Variants in FSTL5 observed in about 807,000 individuals in gnomAD.
The protein encoded by FSTL5 is follistatin-related protein 5.
FSTL5 carries 62 observed loss-of-function variants against 89.1 expected under a neutral mutation model. The observed-to-expected ratio is 0.70, with a 90% confidence interval of 0.57 to 0.86. The LOEUF (loss-of-function observed/expected upper bound fraction) is 0.86, where lower values mean the gene tolerates loss of function less well. Ranked by LOEUF, FSTL5 falls within the 40% of genes least tolerant of loss-of-function variation. FSTL5 has a pLI of 0.00. For synonymous variants in FSTL5, 383 were observed against 346.2 expected, an observed-to-expected ratio of 1.11 and a Z score of -1.18; for missense variants, 1,057 against 1,001.6, an observed-to-expected ratio of 1.06 and a Z score of -0.75.
intron 3 of FSTL5, among the ~76,000 whole-genome samples, chr4:162,010,832 T>TA (rs1736745732): frequency 6.6e-6 from 1 of 152,232 alleles, no homozygotes; most frequent in South Asian, 2.1e-4. Flanking sequence ...TATGCTTAAC[T>TA]ATTCACCAGT....
At chr4:161,654,219 C>A (rs575553697) in intron 7 of FSTL5, among the ~76,000 whole-genome samples, 66 of 152,086 alleles carry the variant, frequency 4.3e-4, no homozygotes, top group Admixed American at 8.5e-4. Flanking sequence ...GCAAGTTGTC[C>A]AGAGAGTATC....
At chr4:162,008,185 TG>T (rs1434163374) in intron 3 of FSTL5, among the ~76,000 whole-genome samples, 1 of 151,870 alleles carries the variant, frequency 6.6e-6, no homozygotes, top group East Asian at 1.9e-4. Context: ...ATTAATGTAA[TG>T]ACCATTAATG....
In FSTL5 at chr4:161,623,343, T is replaced by C. The variant is rs180824914; in HGVS notation, c.894+32985A>G. Among the ~76,000 whole-genome samples the C allele has an allele frequency of 5.3e-5, 8 of 152,176 alleles. No individual in the cohort carries two copies. In the East Asian group the frequency reaches 1.5e-3, roughly 29 times the overall value. On this transcript the variant is annotated intron_variant, in intron 7 of 15. Transcript: ENST00000306100. The stretch of plus-strand genomic sequence containing the variant: ...AAACAACCATATTAGTATTGGCAGA[T>C]GTTATCACTATTTAAAGACACATGT...
chr4:161,609,216 T>C (rs1028150918), intron 7 of FSTL5, among the ~76,000 whole-genome samples: 1 of 152,130 alleles, frequency 6.6e-6, no homozygotes, highest in African/African-American at 2.4e-5. Flanking sequence ...ACATTAATTA[T>C]AATGTCTTCT....
At chr4:161,542,765 T>A (rs2126545361) in intron 8 of FSTL5, 72 bp from the exon 9 acceptor site, 1 of 904,366 alleles carries the variant, frequency 1.1e-6, no homozygotes, top group East Asian at 3.2e-5. Flanking sequence ...AAAGAAAAAT[T>A]GCAATAAGAT....
At chr4:161,983,544 T>G (rs1735883450) in intron 3 of FSTL5, among the ~76,000 whole-genome samples, 1 of 152,154 alleles carries the variant, frequency 6.6e-6, no homozygotes, top group Non-Finnish European at 1.5e-5. Context: ...TTTTTAAAGC[T>G]TATGTCTGTG....
At chr4:161,813,318 C>A (rs1326062095) in intron 4 of FSTL5, among the ~76,000 whole-genome samples, 1 of 152,040 alleles carries the variant, frequency 6.6e-6, no homozygotes, top group Non-Finnish European at 1.5e-5. Context: ...TGTGAGCCAC[C>A]GCGCCTGGCT....
chr4:161,701,902 T>A (rs1221161509), intron 6 of FSTL5, among the ~76,000 whole-genome samples: 2 of 152,150 alleles, frequency 1.3e-5, no homozygotes, highest in African/African-American at 2.4e-5. Context: ...TTATTAGATT[T>A]ATATTGTTCC....
At position 161,481,077 on chromosome 4, in the gene FSTL5, T is replaced by C; in HGVS notation, c.1551A>G (p.Ala517=). The C allele has an allele frequency of 1.2e-6, 2 of 1,613,274 alleles. No individual in the cohort carries two copies. Among genetic ancestry groups the C allele is most frequent in the East Asian group, 2.2e-5 (1 of 44,806 alleles). ...VNVKDKFIYV[A]QPTLDRVLIV... ...TAAGGACTCTGTCCAAAGTTGGCTG[T>C]GCAACATAAATGAACTTGTCTTTGA... Residue 517 remains alanine, a synonymous_variant, in exon 13 of 16, where the codon GCA becomes GCG. Coordinates refer to ENST00000306100, the MANE Select transcript of FSTL5 (RefSeq NM_020116.5).
chr4:161,597,802 G>A (rs541929001), intron 7 of FSTL5, among the ~76,000 whole-genome samples: 25 of 152,144 alleles, frequency 1.6e-4, no homozygotes, highest in African/African-American at 6.0e-4. Context: ...AGGGGTAAGA[G>A]GTGTCCCTCA....
At chr4:161,761,659 G>C (rs957388479) in intron 5 of FSTL5, among the ~76,000 whole-genome samples, 9 of 152,152 alleles carry the variant, frequency 5.9e-5, no homozygotes, top group African/African-American at 2.2e-4. Flanking sequence ...CATAAGACTA[G>C]TTTGATCTTG....
intron 7 of FSTL5, among the ~76,000 whole-genome samples, chr4:161,616,683 T>C (rs1408580459): frequency 4.6e-5 from 7 of 151,840 alleles, no homozygotes; most frequent in Non-Finnish European, 8.8e-5. Context: ...ATAACACAGA[T>C]TGTGGCCTAT....
chr4:161,821,715 A>G (rs1318736698), intron 4 of FSTL5, among the ~76,000 whole-genome samples: 1 of 152,140 alleles, frequency 6.6e-6, no homozygotes, highest in African/African-American at 2.4e-5. Flanking sequence ...ATGGTCTCCA[A>G]TTCCATCCAG....
chr4:161,615,598 A>G (rs1415369255), intron 7 of FSTL5, among the ~76,000 whole-genome samples: 1 of 152,022 alleles, frequency 6.6e-6, no homozygotes, highest in East Asian at 1.9e-4. Context: ...TGGTATAACT[A>G]TATCTAGGGT....
intron 2 of FSTL5, among the ~76,000 whole-genome samples, chr4:162,062,109 A>G (rs112650376): frequency 0.092 from 13,984 of 151,626 alleles, 768 homozygotes; most frequent in Non-Finnish European, 0.12. Context: ...CGAAATTTAT[A>G]TATAACATAT....
At chr4:161,748,671 G>T (rs1740287816) in intron 6 of FSTL5, among the ~76,000 whole-genome samples, 1 of 139,096 alleles carries the variant, frequency 7.2e-6, no homozygotes, top group Non-Finnish European at 1.5e-5. Context: ...TTACACGATT[G>T]GCGAATTTCT....
chr4:161,905,396 T>C (rs931592537), intron 4 of FSTL5, among the ~76,000 whole-genome samples: 3 of 152,168 alleles, frequency 2.0e-5, no homozygotes, highest in African/African-American at 7.2e-5. Flanking sequence ...GTAGATGTTC[T>C]GTTTTCAAGG....
At chr4:161,421,756 G>A (rs1024921915) in intron 15 of FSTL5, among the ~76,000 whole-genome samples, 6 of 152,188 alleles carry the variant, frequency 3.9e-5, no homozygotes, top group African/African-American at 1.4e-4. Context: ...CAAAAAGGAG[G>A]AGGGAGCTTA....
At chr4:162,052,388 C>T (rs1211281714) in intron 2 of FSTL5, among the ~76,000 whole-genome samples, 1 of 151,558 alleles carries the variant, frequency 6.6e-6, no homozygotes, top group East Asian at 1.9e-4. Context: ...AGTTTCTATA[C>T]TATAACATAC....
Sources: gnomAD v4.1 joint callset for allele counts (sites outside exome capture counted in the v4.1 genomes callset) on GRCh38, gnomAD v4.1.1 for gene constraint, MANE v1.5 for transcripts, NCBI Gene and HGNC (gene_info 2026-07-23, HGNC 2026-07-21) for gene names.